Variants in COL6A5 observed in about 807,000 individuals in gnomAD.
COL6A5 encodes collagen alpha-5(VI) chain.
Under a neutral mutation model 65.6 loss-of-function variants are expected in COL6A5, and 48 were observed. The observed-to-expected ratio is 0.73, with a 90% CI of 0.58 to 0.93. The LOEUF (loss-of-function observed/expected upper bound fraction) is 0.93, where lower values mean the gene tolerates loss of function less well. COL6A5 is among the 40% of genes least tolerant of loss of function. The pLI is 0.00. For synonymous variants in COL6A5, 291 were observed against 322.8 expected (o/e 0.90, Z 1.05); for missense variants, 914 against 928.3 (o/e 0.98, Z 0.20).
At position 130,471,829 on chromosome 3, in the gene COL6A5, G is replaced by T. The variant is rs375266034; in HGVS notation, c.2328+862G>T. ...CTGATTTGATGCAGAAGTTATATCT[G>T]CTCTTTTCAACTGAGAAACTGGCAA... is the stretch of plus-strand genomic sequence containing the variant. On this transcript the variant is annotated intron_variant, in intron 7 of 7. Transcript: ENST00000512836. 3.3e-6 allele frequency: 5 copies of T among 1,534,814 alleles called. No individual in the cohort carries two copies. In the African/African-American group the frequency reaches 5.5e-5, roughly 17 times the overall value.
chr3:130,362,558 G>C (rs1417650377), intron 1 of COL6A5, among the ~76,000 whole-genome samples: 1 of 151,944 alleles, frequency 6.6e-6, no homozygotes, highest in African/African-American at 2.4e-5. Flanking sequence ...CTTGAAGTCA[G>C]GAAGTGTCAG....
At chr3:130,475,561 A>C (rs1039713901) in intron 7 of COL6A5, among the ~76,000 whole-genome samples, 7 of 152,100 alleles carry the variant, frequency 4.6e-5, no homozygotes, top group African/African-American at 1.7e-4. Flanking sequence ...AAATAAAGGC[A>C]TTCTCAGATG....
intron 3 of COL6A5, among the ~76,000 whole-genome samples, chr3:130,377,414 C>A (rs980860253): frequency 6.6e-6 from 1 of 152,178 alleles, no homozygotes; most frequent in Non-Finnish European, 1.5e-5. Context: ...ATGAGACTCA[C>A]AATAAATATT....
chr3:130,401,166 A>G, exon 11 of COL6A5: 1 of 1,543,464 alleles, frequency 6.5e-7, no homozygotes, highest in Non-Finnish European at 8.7e-7. Flanking sequence ...AAACTATCAC[A>G]GTACCTGGTG....
At chr3:130,417,731 G>T (rs1426552073) in intron 24 of COL6A5, among the ~76,000 whole-genome samples, 1 of 152,128 alleles carries the variant, frequency 6.6e-6, no homozygotes, top group Non-Finnish European at 1.5e-5. Flanking sequence ...CCCCTCTCCA[G>T]GGTCCTGTGA....
intron 20 of COL6A5, among the ~76,000 whole-genome samples, chr3:130,411,788 C>A (rs1260042311): frequency 2.0e-5 from 3 of 152,118 alleles, no homozygotes. Context: ...AAATCATGGA[C>A]AAACCAGCCA....
At chr3:130,428,503 A>AT (rs1937658854), upstream of COL6A5, among the ~76,000 whole-genome samples, 1 of 152,206 alleles carries the variant, frequency 6.6e-6, no homozygotes, top group African/African-American at 2.4e-5. Context: ...AGGGAGACAC[A>AT]TAAGTAAAGA....
At chr3:130,403,838 TTA>T (rs1286121103) in intron 13 of COL6A5, among the ~76,000 whole-genome samples, 176 bp downstream of exon 13, 1 of 152,192 alleles carries the variant, frequency 6.6e-6, no homozygotes, top group Non-Finnish European at 1.5e-5. Context: ...TTTATTTTGT[TTA>T]TATGTTTATT....
chr3:130,435,159 G>A (rs1223127324), intron 1 of COL6A5, among the ~76,000 whole-genome samples: 1 of 152,044 alleles, frequency 6.6e-6, no homozygotes, highest in Non-Finnish European at 1.5e-5. Context: ...TCTGCATATG[G>A]CGAGCCAGTT....
intron 3 of COL6A5, among the ~76,000 whole-genome samples, chr3:130,378,802 C>CT (rs5852593): frequency 0.29 from 43,539 of 152,010 alleles, 7,152 homozygotes; most frequent in East Asian, 0.5. Flanking sequence ...TTCTTCATGT[C>CT]TAGGTAAGTT....
At chr3:130,455,520 C>T in exon 5 of COL6A5, 2 of 1,612,652 alleles carry the variant, frequency 1.2e-6, no homozygotes, top group African/African-American at 1.3e-5. Flanking sequence ...GAATTAAATT[C>T]TGGGAGAGAA....
intron 7 of COL6A5, among the ~76,000 whole-genome samples, chr3:130,479,654 A>G (rs980027048): frequency 2.0e-5 from 3 of 152,148 alleles, no homozygotes; most frequent in African/African-American, 7.2e-5. Context: ...ATTAGGCTAC[A>G]TGGGGAACAT....
At chr3:130,345,948 G>A (rs780979014) in exon 1 of COL6A5, 34 of 398,546 alleles carry the variant, frequency 8.5e-5, no homozygotes, top group Non-Finnish European at 8.8e-6. Context: ...CGGTTTCCAG[G>A]GTCCGGAGTG....
At chr3:130,346,443 A>G (rs1281700629) in intron 1 of COL6A5, among the ~76,000 whole-genome samples, 1 of 152,214 alleles carries the variant, frequency 6.6e-6, no homozygotes, top group Non-Finnish European at 1.5e-5. Flanking sequence ...ATGGGTGTGT[A>G]GGTAATGAGT....
intron 4 of COL6A5, among the ~76,000 whole-genome samples, chr3:130,454,876 C>T (rs1709530829): frequency 6.6e-6 from 1 of 152,088 alleles, no homozygotes; most frequent in Admixed American, 6.6e-5. Flanking sequence ...CATGGTGGCT[C>T]ACACCTGTAA....
Position 130,376,485 on chromosome 3 carries a change from G to T in COL6A5, c.316G>T (p.Gly106Trp), listed in dbSNP as rs575322112. The change falls in exon 3 of 42, where the codon GGG (glycine) becomes TGG (tryptophan). Residue 106 changes from glycine (G) to tryptophan (W), a missense_variant and NMD_transcript_variant. Gly to Trp is a radical substitution (Grantham distance 184, BLOSUM62 -2). Coordinates refer to the COL6A5 transcript ENST00000312481. ...CAAGAAGAACTTTCAGTTCATTGGC[G>T]GGTCCCTGCAGATAGGAAAGGCTCT... The T allele has an allele frequency of 1.6e-5, 25 of 1,607,084 alleles. No homozygotes were observed. In the African/African-American group the frequency reaches 3.1e-4, roughly 20 times the overall value.
intron 27 of COL6A5, 88 bp downstream of exon 27, chr3:130,421,448 G>C (rs1031180471): frequency 8.1e-7 from 1 of 1,238,610 alleles, no homozygotes; most frequent in African/African-American, 1.5e-5. Context: ...AATGAAATGG[G>C]GACAATAAGG....
intron 4 of COL6A5, among the ~76,000 whole-genome samples, chr3:130,444,342 G>C (rs886435580): frequency 6.6e-6 from 1 of 151,986 alleles, no homozygotes; most frequent in African/African-American, 2.4e-5. Flanking sequence ...GTAAAGACAG[G>C]CATAGGAAAT....
intron 24 of COL6A5, among the ~76,000 whole-genome samples, chr3:130,417,080 T>A (rs921348737): frequency 1.3e-5 from 2 of 151,724 alleles, no homozygotes; most frequent in African/African-American, 4.8e-5. Context: ...GCTCTCCCTC[T>A]CCTTGGCCCC....
Sources: allele counts gnomAD v4.1 joint callset (sites outside exome capture counted in the v4.1 genomes callset), GRCh38; gene constraint gnomAD v4.1.1; transcripts MANE v1.5; gene names NCBI Gene and HGNC (gene_info 2026-07-23, HGNC 2026-07-21).